The following THSD7B variants were observed in gnomAD, a reference collection of about 807,000 sequenced individuals.
THSD7B encodes the protein thrombospondin type-1 domain-containing protein 7B.
THSD7B carries 138 observed loss-of-function variants against 213.6 expected under a neutral mutation model. The ratio of observed to expected loss-of-function variants is 0.65; its 90% CI spans 0.56 to 0.74. THSD7B has a LOEUF of 0.74. THSD7B is among the 30% of genes least tolerant of loss of function. The pLI is 0.00. For synonymous variants in THSD7B, 742 were observed against 687.0 expected, an observed-to-expected ratio of 1.08 and a Z score of -1.25; for missense variants, 1,931 against 1,991.5, an observed-to-expected ratio of 0.97 and a Z score of 0.58.
At chr2:136,853,022 A>G (rs1197553606) in intron 1 of THSD7B, among the ~76,000 whole-genome samples, 1 of 151,044 alleles carries the variant, frequency 6.6e-6, no homozygotes, top group Non-Finnish European at 1.5e-5. Context: ...ACCACTTTGC[A>G]TGTGTGTGTG....
intron 3 of THSD7B, among the ~76,000 whole-genome samples, chr2:137,067,356 C>T (rs772161024): frequency 2.6e-5 from 4 of 151,950 alleles, no homozygotes; most frequent in Admixed American, 6.6e-5. Flanking sequence ...ACTGTGTTTG[C>T]TATAGTTGTA....
chr2:137,414,536 T>C (rs1686749543), intron 14 of THSD7B, among the ~76,000 whole-genome samples: 2 of 151,392 alleles, frequency 1.3e-5, no homozygotes, highest in African/African-American at 4.9e-5. Flanking sequence ...CTGGTCAACA[T>C]AGGGAGGACT....
chr2:137,295,718 C>T (rs1026428181), intron 12 of THSD7B, among the ~76,000 whole-genome samples: 1 of 152,118 alleles, frequency 6.6e-6, no homozygotes, highest in African/African-American at 2.4e-5. Flanking sequence ...TCATGATCCT[C>T]CTGCCTCATC....
At chr2:136,872,525 T>G (rs1404693540) in intron 1 of THSD7B, among the ~76,000 whole-genome samples, 1 of 151,918 alleles carries the variant, frequency 6.6e-6, no homozygotes, top group Non-Finnish European at 1.5e-5. Flanking sequence ...ATCTTTTATT[T>G]TTTCTTTTCT....
At chr2:137,552,387 C>T (rs532228224) in intron 15 of THSD7B, among the ~76,000 whole-genome samples, 1 of 152,292 alleles carries the variant, frequency 6.6e-6, no homozygotes, top group Non-Finnish European at 1.5e-5. Context: ...CTGTGCACCA[C>T]TGGCCCCTCC....
intron 17 of THSD7B, among the ~76,000 whole-genome samples, chr2:137,579,516 A>G (rs577763725): frequency 6.6e-6 from 1 of 150,738 alleles, no homozygotes; most frequent in South Asian, 2.1e-4. Context: ...ACGTGAGTAC[A>G]TGCACACACA....
At chr2:137,210,892 C>T (rs1681089046) in intron 7 of THSD7B, among the ~76,000 whole-genome samples, 1 of 151,964 alleles carries the variant, frequency 6.6e-6, no homozygotes, top group Non-Finnish European at 1.5e-5. Flanking sequence ...GGCTTTTGAA[C>T]TCCTTATCTA....
chr2:136,940,976 G>A (rs192978085), intron 2 of THSD7B, among the ~76,000 whole-genome samples: 193 of 151,364 alleles, frequency 1.3e-3, no homozygotes, highest in Non-Finnish European at 2.2e-3. Context: ...ACTTACATTG[G>A]GTATTTCTCC....
chr2:136,915,036 GA>G (rs993970976), intron 2 of THSD7B, among the ~76,000 whole-genome samples: 1 of 152,130 alleles, frequency 6.6e-6, no homozygotes. Context: ...ATTTTAGTCT[GA>G]AAAAACACAA....
intron 2 of THSD7B, among the ~76,000 whole-genome samples, chr2:136,998,317 TA>T (rs1685934270): frequency 6.6e-6 from 1 of 151,778 alleles, no homozygotes; most frequent in South Asian, 2.1e-4. Flanking sequence ...AAGACACCTT[TA>T]TTAGCAGCAA....
intron 3 of THSD7B, among the ~76,000 whole-genome samples, chr2:137,092,285 C>T (rs1196222472): frequency 6.6e-6 from 1 of 151,868 alleles, no homozygotes; most frequent in East Asian, 1.9e-4. Flanking sequence ...TGGTGTTGTG[C>T]ATCTGTAGTC....
chr2:137,404,084 T>C (rs1464904880), intron 12 of THSD7B, among the ~76,000 whole-genome samples: 1 of 152,036 alleles, frequency 6.6e-6, no homozygotes, highest in Admixed American at 6.5e-5. Flanking sequence ...TAAAACAAAA[T>C]AAATAGCATT....
chr2:136,851,976 A>G (rs1422381761), intron 1 of THSD7B, among the ~76,000 whole-genome samples: 2 of 151,546 alleles, frequency 1.3e-5, no homozygotes, highest in Non-Finnish European at 1.5e-5. Context: ...AAGGGCCCCA[A>G]AAAGACACTC....
chr2:136,829,602 T>A lies in THSD7B; in HGVS notation c.-35-52542T>A, dbSNP rs146613857. 4.4e-3 allele frequency among the ~76,000 whole-genome samples: 675 copies of A among 152,258 alleles called. 6 individuals carry two copies. Among genetic ancestry groups the A allele is most frequent in the Non-Finnish European group, 6.5e-3 (441 of 68,002 alleles). ...TTGGGTCCCCTGACTCCAGGCCCAT[T>A]GTTCTTTGCTAGGTTGTCTCATTTA... On this transcript the variant is annotated intron_variant, in intron 1 of 27. Transcript: ENST00000409968.
At chr2:137,375,181 G>A (rs1685625025) in intron 12 of THSD7B, among the ~76,000 whole-genome samples, 1 of 152,150 alleles carries the variant, frequency 6.6e-6, no homozygotes, top group Admixed American at 6.6e-5. Flanking sequence ...ACTTTGCAGA[G>A]TTTAGAGGTA....
chr2:137,259,525 A>T (rs1682390807), intron 10 of THSD7B, among the ~76,000 whole-genome samples: 1 of 151,898 alleles, frequency 6.6e-6, no homozygotes, highest in Admixed American at 6.6e-5. Flanking sequence ...CCACTTTTTG[A>T]CGGGGTTGTT....
intron 15 of THSD7B, among the ~76,000 whole-genome samples, chr2:137,452,995 G>T (rs986478373): frequency 6.6e-6 from 1 of 152,110 alleles, no homozygotes; most frequent in Non-Finnish European, 1.5e-5. Flanking sequence ...TTCCAGAAGG[G>T]AGTAGCAGCC....
intron 2 of THSD7B, among the ~76,000 whole-genome samples, chr2:136,989,207 G>GAATCAATACTAACA: frequency 6.6e-6 from 1 of 152,006 alleles, no homozygotes; most frequent in Non-Finnish European, 1.5e-5. Flanking sequence ...AGGGGTATGA[G>GAATCAATACTAACA]TTTGGTATAC....
chr2:136,840,748 C>G (rs962338212), intron 1 of THSD7B, among the ~76,000 whole-genome samples: 2 of 152,058 alleles, frequency 1.3e-5, no homozygotes, highest in Admixed American at 1.3e-4. Context: ...GGAACTTGCT[C>G]TGGATGGTAT....
Sources: gnomAD v4.1 joint callset for allele counts (sites outside exome capture counted in the v4.1 genomes callset) on GRCh38, gnomAD v4.1.1 for gene constraint, MANE v1.5 for transcripts, NCBI Gene and HGNC (gene_info 2026-07-23, HGNC 2026-07-21) for gene names.